DCC: variants seen among roughly 807,000 people sequenced by gnomAD.
DCC encodes netrin receptor DCC.
DCC carries 58 observed loss-of-function variants against 172.5 expected under a neutral mutation model. The ratio of observed to expected loss-of-function variants is 0.34; its 90% CI spans 0.27 to 0.42. DCC has a LOEUF of 0.42. DCC is among the 10% of genes least tolerant of loss of function. DCC has a pLI of 1.00. For missense variants in DCC, 1,740 were observed against 1,791.0 expected, an observed-to-expected ratio of 0.97 and a Z score of 0.51; for synonymous variants, 709 against 644.5, an observed-to-expected ratio of 1.10 and a Z score of -1.52.
intron 27 of DCC, among the ~76,000 whole-genome samples, chr18:53,510,551 G>A (rs565360170): frequency 2.0e-5 from 3 of 152,288 alleles, no homozygotes; most frequent in Non-Finnish European, 4.4e-5. Flanking sequence ...GAGGAGTTGA[G>A]AGAAAGGAGT....
rs548366954 is a variant in DCC, at chr18:52,907,582, T to C, written c.697+1254T>C. On this transcript the variant is annotated intron_variant, in intron 3 of 28. Coordinates refer to ENST00000442544, the MANE Select transcript of DCC (RefSeq NM_005215.4). Reference sequence around the variant, plus strand: ...AATTGTGGCACCACACCCGGCTAATTTTTTGTATTTTTTTGTAAAGAAGAG... The same window carrying C: ...AATTGTGGCACCACACCCGGCTAATCTTTTGTATTTTTTTGTAAAGAAGAG... Among the ~76,000 whole-genome samples the C allele has an allele frequency of 4.6e-5, 7 of 151,964 alleles. No individual in the cohort carries two copies. The East Asian group carries it at 7.8e-4, about 17-fold the overall frequency.
At chr18:52,355,394 T>C (rs1178615625) in intron 1 of DCC, among the ~76,000 whole-genome samples, 3 of 152,180 alleles carry the variant, frequency 2.0e-5, no homozygotes, top group African/African-American at 4.8e-5. Flanking sequence ...AAACATATTA[T>C]GTACACGTGG....
At chr18:53,491,872 T>C (rs2144393201) in intron 26 of DCC, among the ~76,000 whole-genome samples, 1 of 152,320 alleles carries the variant, frequency 6.6e-6, no homozygotes, top group Non-Finnish European at 1.5e-5. Context: ...TTCTAGATTC[T>C]TGAGGAATTG....
rs142791060 is a variant in DCC at position 53,224,389 on chromosome 18, G to A, written c.1911+8792G>A. Among the ~76,000 whole-genome samples, 11 of 152,226 alleles carry A rather than the reference G, an allele frequency of 7.2e-5. No individual in the cohort carries two copies. In the East Asian group the frequency reaches 1.2e-3, roughly 16 times the overall value. On this transcript the variant is annotated intron_variant, in intron 12 of 28. Transcript: ENST00000442544. ...AATAGAAGACGGATTGCTGGGTTCC[G>A]GCCAGATCTGGCGGGGCTTTGTAGG... is the stretch of plus-strand genomic sequence containing the variant.
intron 2 of DCC, among the ~76,000 whole-genome samples, chr18:52,883,350 ATGTG>A (rs1172759213): frequency 3.1e-3 from 105 of 34,170 alleles, no homozygotes; most frequent in African/African-American, 6.0e-3. Flanking sequence ...TTATTTATTT[ATGTG>A]TGTGTGTGTG....
chr18:52,855,367 T>A (rs2039035631), intron 2 of DCC, among the ~76,000 whole-genome samples: 1 of 152,242 alleles, frequency 6.6e-6, no homozygotes, highest in Non-Finnish European at 1.5e-5. Flanking sequence ...GTATTTTCTA[T>A]ATTCACAGAT....
At chr18:52,362,980 C>A (rs866450895) in intron 1 of DCC, among the ~76,000 whole-genome samples, 1 of 152,040 alleles carries the variant, frequency 6.6e-6, no homozygotes, top group Non-Finnish European at 1.5e-5. Context: ...CTTACTGCAA[C>A]CTCTGCCTTC....
chr18:52,447,520 A>C (rs1302356992), intron 1 of DCC, among the ~76,000 whole-genome samples: 1 of 152,194 alleles, frequency 6.6e-6, no homozygotes, highest in Non-Finnish European at 1.5e-5. Context: ...ACTCACTTGG[A>C]TACCCAAGGA....
At chr18:52,651,616 AG>A (rs920901534) in intron 1 of DCC, among the ~76,000 whole-genome samples, 1 of 151,464 alleles carries the variant, frequency 6.6e-6, no homozygotes, top group African/African-American at 2.4e-5. Context: ...CATATTATAT[AG>A]TATGTTATTA....
intron 1 of DCC, among the ~76,000 whole-genome samples, chr18:52,701,872 C>T (rs569504527): frequency 2.6e-5 from 4 of 152,344 alleles, no homozygotes; most frequent in Non-Finnish European, 5.9e-5. Context: ...ACCCCAGTTA[C>T]AGGAAGGCCT....
intron 12 of DCC, among the ~76,000 whole-genome samples, chr18:53,218,769 T>G (rs1293655541): frequency 6.6e-6 from 1 of 152,168 alleles, no homozygotes; most frequent in East Asian, 1.9e-4. Flanking sequence ...AGGAAAACTT[T>G]TTATAAGAAT....
At chr18:53,519,654 A>G (rs1490897440) in intron 27 of DCC, among the ~76,000 whole-genome samples, 1 of 151,618 alleles carries the variant, frequency 6.6e-6, no homozygotes, top group East Asian at 1.9e-4. Context: ...GATTCTTTTC[A>G]TTTTTATTTT....
At chr18:53,015,380 C>T (rs2041793923) in intron 5 of DCC, among the ~76,000 whole-genome samples, 1 of 152,148 alleles carries the variant, frequency 6.6e-6, no homozygotes, top group African/African-American at 2.4e-5. Flanking sequence ...TAATCATAGT[C>T]ACTCTTAAAT....
intron 1 of DCC, among the ~76,000 whole-genome samples, chr18:52,465,776 A>G (rs1015527486): frequency 4.6e-5 from 7 of 152,138 alleles, no homozygotes; most frequent in African/African-American, 1.7e-4. Flanking sequence ...AATGCTGAAA[A>G]TGTCTGGCCT....
chr18:52,472,997 G>A (rs1425077444), intron 1 of DCC, among the ~76,000 whole-genome samples: 2 of 152,178 alleles, frequency 1.3e-5, no homozygotes, highest in African/African-American at 4.8e-5. Context: ...TTCAGACAGA[G>A]CTAATATTTC....
At chr18:52,907,881 T>C (rs1030916078) in intron 3 of DCC, among the ~76,000 whole-genome samples, 6 of 152,330 alleles carry the variant, frequency 3.9e-5, no homozygotes, top group African/African-American at 7.2e-5. Flanking sequence ...GTGATTGATA[T>C]GATGATTTTA....
intron 5 of DCC, among the ~76,000 whole-genome samples, chr18:53,004,888 G>C (rs1418470763): frequency 6.6e-6 from 1 of 152,160 alleles, no homozygotes; most frequent in African/African-American, 2.4e-5. Context: ...TCATATGTTG[G>C]AAACTTAATC....
rs187129072 is a variant in DCC, at chr18:52,609,209, C to A, written c.92-142845C>A. 1.7e-3 allele frequency among the ~76,000 whole-genome samples: 255 copies of A among 152,158 alleles called. 1 individual carries two copies. Among genetic ancestry groups the A allele is most frequent in the Non-Finnish European group, 2.6e-3 (178 of 68,006 alleles). ...ACATAAGGAAATGCTATTCATCATA[C>A]AGAGAAATTTCAGAAACAAATTTCT... On this transcript the variant is annotated intron_variant, in intron 1 of 28. Coordinates refer to ENST00000442544, the MANE Select transcript of DCC (RefSeq NM_005215.4).
intron 1 of DCC, among the ~76,000 whole-genome samples, chr18:52,391,679 CTTGAG>C (rs1986036355): frequency 6.6e-6 from 1 of 152,058 alleles, no homozygotes; most frequent in Non-Finnish European, 1.5e-5. Flanking sequence ...GAGCAGAATA[CTTGAG>C]TTATTTACCA....
Sources: allele counts gnomAD v4.1 joint callset (sites outside exome capture counted in the v4.1 genomes callset), GRCh38; gene constraint gnomAD v4.1.1; transcripts MANE v1.5; gene names NCBI Gene and HGNC (gene_info 2026-07-23, HGNC 2026-07-21).